BICC1: variants seen among roughly 807,000 people sequenced by gnomAD.
BICC1 encodes protein bicaudal C homolog 1.
Under a neutral mutation model 111.0 loss-of-function variants are expected in BICC1, and 43 were observed. The ratio of observed to expected loss-of-function variants is 0.39; its 90% confidence interval spans 0.30 to 0.50. The LOEUF (loss-of-function observed/expected upper bound fraction) is 0.50, where lower values mean the gene tolerates loss of function less well. Ranked by LOEUF, BICC1 falls within the 20% of genes least tolerant of loss-of-function variation. The pLI is 0.88. For missense variants in BICC1, 1,091 were observed against 1,203.2 expected, an observed-to-expected ratio of 0.91 and a Z score of 1.38; for synonymous variants, 467 against 434.4, an observed-to-expected ratio of 1.07 and a Z score of -0.93.
At chr10:58,674,271 C>T (rs1839272476) in intron 2 of BICC1, among the ~76,000 whole-genome samples, 1 of 151,762 alleles carries the variant, frequency 6.6e-6, no homozygotes, top group South Asian at 2.1e-4. Flanking sequence ...GATCAAGTGT[C>T]AGTTACCATT....
chr10:58,795,878 T>G (rs1211518418), intron 9 of BICC1, among the ~76,000 whole-genome samples: 1 of 152,172 alleles, frequency 6.6e-6, no homozygotes, highest in Non-Finnish European at 1.5e-5. Context: ...GCAGTTTATA[T>G]GTGGTCACAA....
At chr10:58,772,610 G>C (rs576607494) in intron 3 of BICC1, among the ~76,000 whole-genome samples, 38 of 152,260 alleles carry the variant, frequency 2.5e-4, no homozygotes, top group Admixed American at 1.5e-3. Flanking sequence ...ACTTACAGCA[G>C]GACTTAGCTT....
intron 3 of BICC1, among the ~76,000 whole-genome samples, chr10:58,718,888 TTCTTGG>T (rs1435910453): frequency 2.6e-5 from 4 of 152,200 alleles, no homozygotes; most frequent in Non-Finnish European, 5.9e-5. Context: ...TTTCTGAGTT[TTCTTGG>T]TGTAACAGAA....
intron 3 of BICC1, among the ~76,000 whole-genome samples, chr10:58,747,471 C>T (rs1339444316): frequency 1.3e-5 from 2 of 151,816 alleles, no homozygotes; most frequent in Admixed American, 6.6e-5. Flanking sequence ...TTATTTATAC[C>T]TATTATTATT....
chr10:58,669,172 T>A (rs1030821463), intron 2 of BICC1, among the ~76,000 whole-genome samples: 12 of 151,974 alleles, frequency 7.9e-5, no homozygotes, highest in Middle Eastern at 3.2e-3. Flanking sequence ...CTTTTTTTTT[T>A]AAATATACCC....
At chr10:58,550,798 A>G (rs537213419) in intron 1 of BICC1, among the ~76,000 whole-genome samples, 5 of 152,166 alleles carry the variant, frequency 3.3e-5, no homozygotes, top group African/African-American at 9.6e-5. Flanking sequence ...TGACCAATGC[A>G]TCTATTCTTT....
At chr10:58,713,638 A>G (rs957060953) in intron 3 of BICC1, among the ~76,000 whole-genome samples, 2 of 152,238 alleles carry the variant, frequency 1.3e-5, no homozygotes, top group African/African-American at 4.8e-5. Flanking sequence ...ATAAGTGCTA[A>G]TGATGAGTGT....
At chr10:58,631,372 C>G (rs1046269003) in intron 2 of BICC1, among the ~76,000 whole-genome samples, 2 of 152,026 alleles carry the variant, frequency 1.3e-5, no homozygotes, top group Admixed American at 6.6e-5. Context: ...CCCAAACTGG[C>G]TCTTTGGCAG....
chr10:58,761,524 C>T (rs908892417), intron 3 of BICC1, among the ~76,000 whole-genome samples: 3 of 152,106 alleles, frequency 2.0e-5, no homozygotes, highest in African/African-American at 7.2e-5. Flanking sequence ...TATCTGTCCC[C>T]TTTCATTTCT....
At chr10:58,616,280 AG>A (rs1409306447) in intron 1 of BICC1, among the ~76,000 whole-genome samples, 4 of 152,220 alleles carry the variant, frequency 2.6e-5, no homozygotes, top group Non-Finnish European at 4.4e-5. Context: ...ACTGGAGAAC[AG>A]GGGGCCCCAA....
At chr10:58,557,828 A>G (rs761171390) in intron 1 of BICC1, among the ~76,000 whole-genome samples, 1 of 151,926 alleles carries the variant, frequency 6.6e-6, no homozygotes, top group Non-Finnish European at 1.5e-5. Flanking sequence ...GTTTCAGTTA[A>G]TTGATTTTTC....
chr10:58,682,584 G>A (rs10740753), intron 2 of BICC1, among the ~76,000 whole-genome samples: 151,892 of 152,270 alleles, frequency 1, 75,758 homozygotes, highest in Middle Eastern at 1. Flanking sequence ...ATGGTATCTC[G>A]TTGTGGTTTT....
chr10:58,686,784 G>T (rs1485899476), intron 2 of BICC1, among the ~76,000 whole-genome samples: 1 of 152,038 alleles, frequency 6.6e-6, no homozygotes, highest in Non-Finnish European at 1.5e-5. Context: ...TTTTTTCAAG[G>T]TTTTCAGCTT....
intron 15 of BICC1, among the ~76,000 whole-genome samples, chr10:58,803,798 ACTTT>A (rs1478752368): frequency 6.6e-6 from 1 of 152,212 alleles, no homozygotes; most frequent in Non-Finnish European, 1.5e-5. Flanking sequence ...CTCAATAGGA[ACTTT>A]CTGTGTTTCC....
chr10:58,657,335 A>C (rs1218639915), intron 2 of BICC1, among the ~76,000 whole-genome samples: 1 of 152,126 alleles, frequency 6.6e-6, no homozygotes, highest in African/African-American at 2.4e-5. Flanking sequence ...CTGCATTATA[A>C]TAGGTGTGCT....
At chr10:58,653,578 A>C (rs908769832) in intron 2 of BICC1, among the ~76,000 whole-genome samples, 9 of 152,192 alleles carry the variant, frequency 5.9e-5, no homozygotes, top group African/African-American at 2.2e-4. Flanking sequence ...ATAGTTCAAC[A>C]TGGAAAACTG....
intron 2 of BICC1, among the ~76,000 whole-genome samples, chr10:58,662,726 A>G (rs932778190): frequency 6.6e-6 from 1 of 152,228 alleles, no homozygotes; most frequent in Non-Finnish European, 1.5e-5. Flanking sequence ...TTGCAGTTTC[A>G]TATAGTTCAT....
At chr10:58,731,744 G>A (rs1841304597) in intron 3 of BICC1, among the ~76,000 whole-genome samples, 1 of 151,744 alleles carries the variant, frequency 6.6e-6, no homozygotes, top group African/African-American at 2.4e-5. Context: ...GAGGGAGTGG[G>A]GGAGAGATGC....
intron 3 of BICC1, among the ~76,000 whole-genome samples, chr10:58,726,553 G>A (rs938103648): frequency 6.6e-6 from 1 of 152,148 alleles, no homozygotes; most frequent in Non-Finnish European, 1.5e-5. Context: ...GTATACTCAA[G>A]TATCACATGT....
Sources: allele counts gnomAD v4.1 joint callset (sites outside exome capture counted in the v4.1 genomes callset), GRCh38; gene constraint gnomAD v4.1.1; transcripts MANE v1.5; gene names NCBI Gene and HGNC (gene_info 2026-07-23, HGNC 2026-07-21).